Variants in GSG1L observed in about 807,000 individuals in gnomAD.
GSG1L encodes the protein germ cell-specific gene 1-like protein.
In GSG1L, 24 loss-of-function variants were observed where a neutral mutation model predicts 42.1. The observed-to-expected ratio is 0.57, with a 90% CI of 0.41 to 0.80. GSG1L has a LOEUF of 0.80. Among genes scored for constraint, GSG1L ranks in the 30% least tolerant of loss-of-function variants. GSG1L has a pLI of 0.00. For synonymous variants in GSG1L, 215 were observed against 203.5 expected (o/e 1.06, Z -0.48); for missense variants, 445 against 472.2 (o/e 0.94, Z 0.53).
At chr16:28,022,389 G>A (rs2085854741) in intron 1 of GSG1L, among the ~76,000 whole-genome samples, 1 of 152,120 alleles carries the variant, frequency 6.6e-6, no homozygotes, top group South Asian at 2.1e-4. Flanking sequence ...ACAGTGGCGT[G>A]ATCACAGCTC....
chr16:27,865,576 C>CACATATATAT (rs2083712157), intron 3 of GSG1L, among the ~76,000 whole-genome samples: 1 of 21,526 alleles, frequency 4.6e-5, no homozygotes, highest in African/African-American at 3.8e-4. Context: ...TATATATACA[C>CACATATATAT]ACACACATAC....
chr16:27,871,995 T>C (rs2083827546), intron 3 of GSG1L, among the ~76,000 whole-genome samples: 1 of 152,218 alleles, frequency 6.6e-6, no homozygotes, highest in Admixed American at 6.5e-5. Context: ...AATTATATGC[T>C]TTAAGCATGA....
At chr16:28,039,579 G>A (rs779019609) in intron 1 of GSG1L, among the ~76,000 whole-genome samples, 144 of 149,914 alleles carry the variant, frequency 9.6e-4, no homozygotes, top group Admixed American at 2.2e-3. Context: ...GCACACACGC[G>A]CACACATGCA....
At chr16:27,955,179 G>A (rs1596644066) in intron 2 of GSG1L, among the ~76,000 whole-genome samples, 1 of 152,162 alleles carries the variant, frequency 6.6e-6, no homozygotes, top group South Asian at 2.1e-4. Context: ...ACATTAAAGG[G>A]TAGAGAAGCA....
chr16:27,823,796 T>A, intron 5 of GSG1L: 1 of 698,240 alleles, frequency 1.4e-6, no homozygotes, highest in Non-Finnish European at 2.6e-6. Flanking sequence ...TGATCAAGCC[T>A]GAGAGGCCAC....
chr16:27,917,997 C>T (rs569335256), intron 2 of GSG1L, among the ~76,000 whole-genome samples: 37 of 152,184 alleles, frequency 2.4e-4, no homozygotes, highest in Middle Eastern at 3.4e-3. Flanking sequence ...TTTTGAATGC[C>T]AAGTTGAGAA....
intron 2 of GSG1L, among the ~76,000 whole-genome samples, chr16:27,948,489 T>C (rs1272320110): frequency 1.3e-5 from 2 of 152,162 alleles, no homozygotes; most frequent in Non-Finnish European, 2.9e-5. Context: ...TTCTCCTGCC[T>C]TGGCCTCCCA....
chr16:27,956,619 G>A (rs951957818), intron 2 of GSG1L, among the ~76,000 whole-genome samples: 1 of 152,154 alleles, frequency 6.6e-6, no homozygotes, highest in African/African-American at 2.4e-5. Context: ...GGTTTAAAAT[G>A]TGCTTGTGCA....
In GSG1L at chr16:28,063,315, T is replaced by C. The variant is rs2086367666; in HGVS notation, c.110A>G (p.Gln37Arg). 1.4e-6 allele frequency: 2 copies of C among 1,396,670 alleles called. No homozygotes were observed. The highest frequency in any genetic ancestry group is 1.9e-6 in the Non-Finnish European group (2 of 1,067,690). 86.5% of individuals were successfully genotyped at this position (1,396,670 alleles called of 1,614,324 possible). ...GCCGCAGCCCGGCTTGGGGACCCGC[T>C]GCGTGCCCTGGCACCAGTGCGTGGT... ...FLTTHWCQGTQRVPKPGCGQG... is the reference protein window; with the variant it reads ...FLTTHWCQGTRRVPKPGCGQG... The change falls in exon 1 of 7, where the codon CAG becomes CGG. Residue 37 changes from glutamine (Q) to arginine (R), a missense_variant. Gln to Arg is a conservative substitution (Grantham distance 43). Around this residue, in one of 3 missense-constraint regions of GSG1L, gnomAD observed 156 missense variants for 128.3 expected, o/e 1.22. Transcript: ENST00000447459. This position sits in a 1 kb window ranked among gnomAD's most constrained non-coding sequence, Gnocchi z 5.8.
chr16:28,043,220 T>C (rs1269971399), intron 1 of GSG1L, among the ~76,000 whole-genome samples: 1 of 152,094 alleles, frequency 6.6e-6, no homozygotes, highest in Non-Finnish European at 1.5e-5. Flanking sequence ...TCCTTTGCCA[T>C]CCTTTAGAAG....
intron 3 of GSG1L, among the ~76,000 whole-genome samples, chr16:27,869,552 A>T (rs1596570468): frequency 4.3e-5 from 4 of 93,492 alleles, no homozygotes; most frequent in Admixed American, 2.8e-4. Context: ...GTCTCCCTTC[A>T]TCTCTCTCTC....
At chr16:28,017,648 A>C (rs2085795936) in intron 1 of GSG1L, among the ~76,000 whole-genome samples, 1 of 152,250 alleles carries the variant, frequency 6.6e-6, no homozygotes, top group African/African-American at 2.4e-5. Context: ...TGGAAATAAC[A>C]GATGCAGTCC....
intron 3 of GSG1L, among the ~76,000 whole-genome samples, chr16:27,869,345 A>G (rs1421034372): frequency 6.6e-6 from 1 of 151,608 alleles, no homozygotes; most frequent in East Asian, 1.9e-4. Flanking sequence ...GGGCTGGTAT[A>G]TAGCAGGTGC....
intron 6 of GSG1L, among the ~76,000 whole-genome samples, chr16:27,797,548 C>G: frequency 7.9e-6 from 1 of 126,836 alleles, no homozygotes; most frequent in African/African-American, 2.9e-5. Context: ...AAGGGCCGGG[C>G]GCGGTGGCTC....
intron 1 of GSG1L, among the ~76,000 whole-genome samples, chr16:27,965,699 G>A (rs528141092): frequency 7.2e-5 from 11 of 152,264 alleles, no homozygotes; most frequent in African/African-American, 2.2e-4. Flanking sequence ...TTCCCAATGC[G>A]TCTAGCATCC....
intron 2 of GSG1L, among the ~76,000 whole-genome samples, chr16:27,902,998 A>G (rs972241705): frequency 2.0e-5 from 3 of 152,102 alleles, no homozygotes; most frequent in African/African-American, 4.8e-5. Context: ...CAGGCAAAGC[A>G]GTGGCGGCCA....
At chr16:28,030,960 G>T (rs2085954774) in intron 1 of GSG1L, among the ~76,000 whole-genome samples, 1 of 147,672 alleles carries the variant, frequency 6.8e-6, no homozygotes, top group Non-Finnish European at 1.5e-5. Flanking sequence ...GGTTAAGATG[G>T]GATGGGATGG....
chr16:27,822,867 G>T (rs370531702), intron 5 of GSG1L, among the ~76,000 whole-genome samples: 1 of 152,138 alleles, frequency 6.6e-6, no homozygotes, highest in Non-Finnish European at 1.5e-5. Flanking sequence ...AAATAAACAA[G>T]TAATTTCAGA....
In GSG1L at chr16:27,791,367, T is replaced by C. The variant is rs2082749882; in HGVS notation, c.*3A>G. The C allele has an allele frequency of 7.1e-7, 1 of 1,408,368 alleles. No homozygotes were observed. The highest frequency in any genetic ancestry group is 1.7e-5 in the South Asian group (1 of 58,356). 87.2% of individuals were successfully genotyped at this position (1,408,368 alleles called of 1,614,324 possible). The stretch of plus-strand genomic sequence containing the variant: ...AGGTCCGCGGGCCAGGTTGAGGTCT[T>C]GGTCACACCCAGTGCCCCAAGACCC... On this transcript the variant is annotated 3_prime_UTR_variant, in exon 7 of 7. Transcript: ENST00000447459.
Sources: allele counts gnomAD v4.1 joint callset (sites outside exome capture counted in the v4.1 genomes callset), GRCh38; gene constraint gnomAD v4.1.1; regional missense constraint gnomAD v4.1.1; non-coding constraint Gnocchi (gnomAD v3.1); transcripts MANE v1.5; gene names NCBI Gene and HGNC (gene_info 2026-07-23, HGNC 2026-07-21).